SORCS2: variants seen among roughly 807,000 people sequenced by gnomAD.
The protein encoded by SORCS2 is sortilin related VPS10 domain containing receptor 2.
A neutral mutation model predicts 141.6 loss-of-function variants in SORCS2; 100 were observed. The observed-to-expected ratio is 0.71, with a 90% confidence interval of 0.60 to 0.83. SORCS2 has a LOEUF of 0.83. Ranked by LOEUF, SORCS2 falls within the 40% of genes least tolerant of loss-of-function variation. The pLI, the probability that SORCS2 is intolerant of heterozygous loss-of-function variation, is 0.00. For synonymous variants in SORCS2, 789 were observed against 676.9 expected, an observed-to-expected ratio of 1.17 and a Z score of -2.57; for missense variants, 1,646 against 1,560.2, an observed-to-expected ratio of 1.05 and a Z score of -0.93.
At chr4:7,276,434 C>G (rs1429704693) in intron 1 of SORCS2, among the ~76,000 whole-genome samples, 2 of 152,174 alleles carry the variant, frequency 1.3e-5, no homozygotes, top group East Asian at 1.9e-4. Flanking sequence ...GAACGGGCTT[C>G]ATGTTCAGTC....
At chr4:7,498,575 C>A (rs1446656132) in intron 2 of SORCS2, among the ~76,000 whole-genome samples, 1 of 152,218 alleles carries the variant, frequency 6.6e-6, no homozygotes, top group African/African-American at 2.4e-5. Context: ...GGCGGCCAGG[C>A]AGAGCTGGGT....
At position 7,221,948 on chromosome 4, in the gene SORCS2, A is replaced by T. The variant is rs944794795; in HGVS notation, c.480+28822A>T. Among the ~76,000 whole-genome samples, 15 of 152,290 alleles carry T rather than the reference A, an allele frequency of 9.8e-5. No individual in the cohort carries two copies. In the South Asian group the frequency reaches 2.1e-3, roughly 21 times the overall value. ...TTATATTTTTTAGCATGGGAGAGAG[A>T]CAGAAAACCTAAAAACAGTGAAACA... On this transcript the variant is annotated intron_variant, in intron 1 of 26. Transcript: ENST00000507866.
At chr4:7,259,464 T>C (rs1424388178) in intron 1 of SORCS2, among the ~76,000 whole-genome samples, 1 of 152,060 alleles carries the variant, frequency 6.6e-6, no homozygotes, top group East Asian at 1.9e-4. Flanking sequence ...GTTTGAGAAA[T>C]GGTTGCTGTG....
intron 26 of SORCS2, among the ~76,000 whole-genome samples, chr4:7,738,368 C>T (rs1362423220): frequency 3.9e-5 from 6 of 152,234 alleles, no homozygotes; most frequent in African/African-American, 1.4e-4. Flanking sequence ...TTCCCTAGAG[C>T]TGAGGACATG....
intron 26 of SORCS2, among the ~76,000 whole-genome samples, chr4:7,738,491 TTC>T (rs2148906609): frequency 6.6e-6 from 1 of 152,264 alleles, no homozygotes; most frequent in East Asian, 1.9e-4. Context: ...ACAGTTCCTG[TTC>T]TCTCTTAATC....
chr4:7,712,146 C>T (rs1025625350), intron 14 of SORCS2, among the ~76,000 whole-genome samples: 4 of 152,320 alleles, frequency 2.6e-5, no homozygotes, highest in Non-Finnish European at 5.9e-5. Context: ...TAGGCTGCGA[C>T]GGGCCAACCT....
In SORCS2 at chr4:7,264,995, C is replaced by G. The variant is rs1180563227; in HGVS notation, c.480+71869C>G. Among the ~76,000 whole-genome samples, 2 of 152,390 alleles carry G rather than the reference C, an allele frequency of 1.3e-5. 1 individual carries two copies. The highest frequency in any genetic ancestry group is 6.8e-3 in the Middle Eastern group (2 of 294). On this transcript the variant is annotated intron_variant, in intron 1 of 26. Transcript: ENST00000507866. ...GCATTGCTGTCCCTCAGAATCCTTCCCAGGCCCTGACACCAGCTTCTATGC... is the reference window on the plus strand; with the variant it reads ...GCATTGCTGTCCCTCAGAATCCTTCGCAGGCCCTGACACCAGCTTCTATGC...
In SORCS2 at chr4:7,636,550, C is replaced by T. The variant is rs541732735; in HGVS notation, c.649-1778C>T. ...GTCTGCCAATTGCAAAGCAAAATGG[C>T]CCCGGGGCCACCTGTGAGTGTCTGG... On this transcript the variant is annotated intron_variant, in intron 3 of 26. Coordinates refer to ENST00000507866, the MANE Select transcript of SORCS2 (RefSeq NM_020777.3). Among the ~76,000 whole-genome samples the T allele has an allele frequency of 3.9e-5, 6 of 152,148 alleles. No homozygotes were observed. In the East Asian group the frequency reaches 1.2e-3, roughly 29 times the overall value.
At chr4:7,596,990 C>T (rs1043374792) in intron 3 of SORCS2, among the ~76,000 whole-genome samples, 5 of 152,044 alleles carry the variant, frequency 3.3e-5, no homozygotes, top group Non-Finnish European at 7.3e-5. Context: ...CACCAAGAGC[C>T]ATGATGCGGT....
chr4:7,366,810 C>G (rs1189966131), intron 1 of SORCS2, among the ~76,000 whole-genome samples: 1 of 152,170 alleles, frequency 6.6e-6, no homozygotes, highest in African/African-American at 2.4e-5. Flanking sequence ...CTGCCCACTT[C>G]CTCCTCAAGT....
intron 4 of SORCS2, among the ~76,000 whole-genome samples, chr4:7,652,025 C>T (rs995081803): frequency 3.3e-5 from 5 of 152,224 alleles, no homozygotes; most frequent in South Asian, 2.1e-4. Context: ...GCCACATTTG[C>T]GGTAGCGTTG....
chr4:7,478,811 C>T (rs542644653), intron 2 of SORCS2, among the ~76,000 whole-genome samples: 65 of 152,300 alleles, frequency 4.3e-4, no homozygotes, highest in African/African-American at 1.5e-3. Flanking sequence ...CATAGGCACT[C>T]GGCCCATGAC....
At chr4:7,484,863 C>A (rs868461964) in intron 2 of SORCS2, among the ~76,000 whole-genome samples, 1 of 152,122 alleles carries the variant, frequency 6.6e-6, no homozygotes, top group Non-Finnish European at 1.5e-5. Context: ...CTCCTCCATG[C>A]GGCCTGTCTC....
chr4:7,553,317 A>G (rs565088210), intron 3 of SORCS2, among the ~76,000 whole-genome samples: 3 of 152,210 alleles, frequency 2.0e-5, no homozygotes, highest in African/African-American at 4.8e-5. Flanking sequence ...GAGGGGGGAA[A>G]AAAAACCATG....
At position 7,202,737 on chromosome 4, in the gene SORCS2, C is replaced by T. The variant is rs1214206097; in HGVS notation, c.480+9611C>T. Among the ~76,000 whole-genome samples the T allele has an allele frequency of 3.3e-5, 5 of 152,192 alleles. No homozygotes were observed. The South Asian group carries it at 8.3e-4, about 25-fold the overall frequency. On this transcript the variant is annotated intron_variant, in intron 1 of 26. Transcript: ENST00000507866. ...AGAATTCTTTATGAGGCTTCTTTGC[C>T]GTGCATATTTCTGAAGCATCAGACG... is the stretch of plus-strand genomic sequence containing the variant.
chr4:7,727,596 C>A (rs1391009666), intron 21 of SORCS2, among the ~76,000 whole-genome samples: 2 of 152,218 alleles, frequency 1.3e-5, no homozygotes, highest in Non-Finnish European at 2.9e-5. Context: ...CCTTCACACC[C>A]TGGAGGAGGC....
At position 7,661,545 on chromosome 4, in the gene SORCS2, A is replaced by G. The variant is rs1329416738; in HGVS notation, c.933A>G (p.Glu311=). 1 of 1,551,878 alleles carries G rather than the reference A, an allele frequency of 6.4e-7. No individual in the cohort carries two copies. The highest frequency in any genetic ancestry group is 8.7e-7 in the Non-Finnish European group (1 of 1,147,150). ...VDADPDLVHV[E]AQDLGGDFRY... ...CTGACCCTGACTTGGTCCACGTGGAAGCCCAAGACCTCGGTGGAGGTAAGC... is the reference window on the plus strand; with the variant it reads ...CTGACCCTGACTTGGTCCACGTGGAGGCCCAAGACCTCGGTGGAGGTAAGC... The change falls in exon 6 of 27, where the codon GAA becomes GAG. Residue 311 remains glutamate, a synonymous_variant. Transcript: ENST00000507866.
rs115438946 is a variant in SORCS2 at position 7,607,215 on chromosome 4, A to G, written c.649-31113A>G. Among the ~76,000 whole-genome samples, 335 of 152,288 alleles carry G rather than the reference A, an allele frequency of 2.2e-3. 2 individuals carry two copies. Among genetic ancestry groups the G allele is most frequent in the African/African-American group, 7.7e-3 (320 of 41,554 alleles). On this transcript the variant is annotated intron_variant, in intron 3 of 26. Transcript: ENST00000507866. ...TTGATCTCTCTGTCTTTCTTGTGTT[A>G]TCATTTGTCTCTCCTTGGCCTTTTA...
chr4:7,722,935 G>A (rs976918991), intron 18 of SORCS2, among the ~76,000 whole-genome samples: 4 of 152,160 alleles, frequency 2.6e-5, no homozygotes, highest in Admixed American at 6.5e-5. Flanking sequence ...CCTGGTGCCG[G>A]CGAGGGAGGA....
Sources: gnomAD v4.1 joint callset for allele counts (sites outside exome capture counted in the v4.1 genomes callset) on GRCh38, gnomAD v4.1.1 for gene constraint, MANE v1.5 for transcripts, NCBI Gene and HGNC (gene_info 2026-07-23, HGNC 2026-07-21) for gene names.